Variants in ANGPTL2 observed in about 807,000 individuals in gnomAD.
The protein encoded by ANGPTL2 is angiopoietin like 2.
ANGPTL2 carries 25 observed loss-of-function variants against 52.8 expected under a neutral mutation model. That is an observed-to-expected ratio of 0.47 (90% CI 0.35 to 0.66). The LOEUF (loss-of-function observed/expected upper bound fraction) is 0.66, where lower values mean the gene tolerates loss of function less well. ANGPTL2 is among the 30% of genes least tolerant of loss of function. The pLI is 0.01. For synonymous variants in ANGPTL2, 276 were observed against 277.4 expected (o/e 1.00, Z 0.05); for missense variants, 546 against 656.9 (o/e 0.83, Z 1.84).
chr9:127,098,436 G>C (rs569683952), intron 2 of ANGPTL2, among the ~76,000 whole-genome samples: 1 of 152,310 alleles, frequency 6.6e-6, no homozygotes, highest in African/African-American at 2.4e-5. Flanking sequence ...ATTCTTGGGG[G>C]AGCTGTGGCC....
At position 127,087,684 on chromosome 9, in the gene ANGPTL2, T is replaced by G. The variant is rs2051932065; in HGVS notation, c.*1255A>C. The G allele has an allele frequency of 6.6e-6, 1 of 152,266 alleles. No individual in the cohort carries two copies. Among genetic ancestry groups the G allele is most frequent in the South Asian group, 2.1e-4 (1 of 4,828 alleles). The allele number at this position is 152,266 out of a possible 1,614,324, so 9.4% of individuals were successfully genotyped here. A position where few individuals can be genotyped will look rare whatever the true frequency, so the allele number is the denominator to read the frequency against. On this transcript the variant is annotated 3_prime_UTR_variant, in exon 5 of 5. Transcript: ENST00000373425. ...GCAGTGCATCAACCAAGGGGTCCGGTGACCCCTGATTATTCAACTCCTGAG... is the reference window on the plus strand; with the variant it reads ...GCAGTGCATCAACCAAGGGGTCCGGGGACCCCTGATTATTCAACTCCTGAG...
intron 1 of ANGPTL2, among the ~76,000 whole-genome samples, chr9:127,110,589 A>G (rs906312170): frequency 3.3e-5 from 5 of 152,034 alleles, no homozygotes; most frequent in African/African-American, 1.2e-4. Context: ...TGACATTTCC[A>G]CTTGACTATC....
chr9:127,101,009 T>C (rs745525647), intron 2 of ANGPTL2, among the ~76,000 whole-genome samples: 10 of 152,230 alleles, frequency 6.6e-5, no homozygotes, highest in African/African-American at 9.6e-5. Context: ...CCAAGACTTG[T>C]CTTCATGATT....
chr9:127,107,105 T>C (rs946232021), intron 2 of ANGPTL2: 7 of 152,060 alleles, frequency 4.6e-5, no homozygotes, highest in African/African-American at 1.7e-4. Context: ...ATTCCTAGAG[T>C]CCTAGAGCAT....
intron 1 of ANGPTL2, among the ~76,000 whole-genome samples, chr9:127,121,538 A>G (rs562437360): frequency 1.3e-5 from 2 of 152,228 alleles, no homozygotes; most frequent in Non-Finnish European, 2.9e-5. Flanking sequence ...TGACACACAT[A>G]TCATAGAAGG....
chr9:127,117,751 G>A (rs188069622), intron 1 of ANGPTL2, among the ~76,000 whole-genome samples: 4 of 152,358 alleles, frequency 2.6e-5, no homozygotes, highest in Admixed American at 2.6e-4. Flanking sequence ...CCCTGAGTGG[G>A]TATTAGAGAT....
intron 1 of ANGPTL2, among the ~76,000 whole-genome samples, chr9:127,121,514 C>T (rs2056082626): frequency 6.6e-6 from 1 of 152,246 alleles, no homozygotes; most frequent in African/African-American, 2.4e-5. Context: ...ACAGCAGAGG[C>T]AAGAGCTGAC....
At position 127,108,526 on chromosome 9, in the gene ANGPTL2, A is replaced by G. The variant is rs756256509; in HGVS notation, c.206T>C (p.Ile69Thr). The G allele has an allele frequency of 9.3e-6, 15 of 1,612,940 alleles. No individual in the cohort carries two copies. The highest frequency in any genetic ancestry group is 1.1e-5 in the Non-Finnish European group (13 of 1,179,714). ...CTCAGGCTCCTTGGAGTTGACGCAG[A>G]TGGCACCCGTGACCCGCTGCTGGGG... ...IVPQQRVTGA[I>T]CVNSKEPEVL... The change falls in exon 2 of 5, where the codon ATC becomes ACC. Residue 69 changes from isoleucine to threonine, a missense_variant. Ile to Thr is a moderately conservative substitution (Grantham distance 89, BLOSUM62 -1). Around this residue, in one of 2 missense-constraint regions of ANGPTL2, gnomAD observed 285 missense variants for 295.8 expected, o/e 0.96. Coordinates refer to ENST00000373425, the MANE Select transcript of ANGPTL2 (RefSeq NM_012098.3).
intron 2 of ANGPTL2, among the ~76,000 whole-genome samples, chr9:127,104,456 TGGGGCAGA>T (rs2054028706): frequency 6.6e-6 from 1 of 152,162 alleles, no homozygotes; most frequent in African/African-American, 2.4e-5. Flanking sequence ...GCAGGATAGG[TGGGGCAGA>T]GGACCACAGA....
At chr9:127,097,652 A>G (rs2053281781) in intron 2 of ANGPTL2, among the ~76,000 whole-genome samples, 1 of 152,262 alleles carries the variant, frequency 6.6e-6, no homozygotes, top group African/African-American at 2.4e-5. Flanking sequence ...GAGACAAAAC[A>G]TCCTACTTTG....
At chr9:127,110,959 T>C (rs1387115019) in intron 1 of ANGPTL2, among the ~76,000 whole-genome samples, 3 of 152,066 alleles carry the variant, frequency 2.0e-5, no homozygotes, top group African/African-American at 7.2e-5. Flanking sequence ...GTGGTCCTTT[T>C]TAAAAAGTCA....
At chr9:127,096,367 G>A (rs1028830636) in intron 2 of ANGPTL2, among the ~76,000 whole-genome samples, 2 of 152,274 alleles carry the variant, frequency 1.3e-5, no homozygotes, top group Admixed American at 6.5e-5. Context: ...GCCGTTCGAT[G>A]TGAATGCTGG....
In ANGPTL2 at chr9:127,122,346, C is replaced by G. The variant is rs2056201707; in HGVS notation, c.-81G>C. The G allele has an allele frequency of 6.6e-6, 1 of 152,618 alleles. No individual in the cohort carries two copies. Among genetic ancestry groups the G allele is most frequent in the African/African-American group, 2.4e-5 (1 of 41,454 alleles). 9.5% of individuals were successfully genotyped at this position (152,618 alleles called of 1,614,324 possible). On this transcript the variant is annotated 5_prime_UTR_variant, in exon 1 of 5. Coordinates refer to ENST00000373425, the MANE Select transcript of ANGPTL2 (RefSeq NM_012098.3). The surrounding 1 kb of genome is among the most constrained non-coding windows in gnomAD (Gnocchi z 6.4). ...CCTCCTGCTTGGCTCCGGGGCGGCT[C>G]CTCACATGCTTCACCCTGGCCGTCA...
intron 2 of ANGPTL2, among the ~76,000 whole-genome samples, chr9:127,095,586 C>T (rs1343120880): frequency 6.6e-6 from 1 of 152,210 alleles, no homozygotes; most frequent in East Asian, 1.9e-4. Flanking sequence ...CGCTCTGACG[C>T]CCTGCAAGGG....
chr9:127,110,470 C>T (rs535564088), intron 1 of ANGPTL2, among the ~76,000 whole-genome samples: 6 of 152,330 alleles, frequency 3.9e-5, no homozygotes, highest in African/African-American at 9.6e-5. Flanking sequence ...TTACCTTAGT[C>T]ATCTCATCCA....
At chr9:127,114,969 T>C (rs945256562) in intron 1 of ANGPTL2, among the ~76,000 whole-genome samples, 1 of 152,146 alleles carries the variant, frequency 6.6e-6, no homozygotes, top group African/African-American at 2.4e-5. Flanking sequence ...TAGGGAAGTA[T>C]CCAAACCAGT....
chr9:127,114,973 A>G (rs2055243862), intron 1 of ANGPTL2, among the ~76,000 whole-genome samples: 1 of 152,210 alleles, frequency 6.6e-6, no homozygotes, highest in Admixed American at 6.5e-5. Flanking sequence ...GAAGTATCCA[A>G]ACCAGTTGGT....
At chr9:127,112,391 G>A (rs1315425452) in intron 1 of ANGPTL2, among the ~76,000 whole-genome samples, 3 of 152,256 alleles carry the variant, frequency 2.0e-5, no homozygotes, top group Non-Finnish European at 4.4e-5. Context: ...TCTTCAGGCT[G>A]CTCACCTGAG....
In ANGPTL2 at chr9:127,108,479, G is replaced by A; in HGVS notation, c.253C>T (p.His85Tyr). ...TTGAGCAGCTCTAGCTCCTGCTTATGCACTCGGTTCTCCAGAAGCACCTCA... is the reference window on the plus strand; with the variant it reads ...TTGAGCAGCTCTAGCTCCTGCTTATACACTCGGTTCTCCAGAAGCACCTCA... ...EPEVLLENRV[H>Y]KQELELLNNE... The change falls in exon 2 of 5, where the codon CAT becomes TAT. Residue 85 changes from histidine to tyrosine, a missense_variant. Coordinates refer to ENST00000373425, the MANE Select transcript of ANGPTL2 (RefSeq NM_012098.3). 6.2e-7 allele frequency: 1 copy of A among 1,612,534 alleles called. No homozygotes were observed.
Sources: allele counts gnomAD v4.1 joint callset (sites outside exome capture counted in the v4.1 genomes callset), GRCh38; gene constraint gnomAD v4.1.1; regional missense constraint gnomAD v4.1.1; non-coding constraint Gnocchi (gnomAD v3.1); transcripts MANE v1.5; gene names NCBI Gene and HGNC (gene_info 2026-07-23, HGNC 2026-07-21).